Variants in PRKAG2 observed in about 807,000 individuals in gnomAD.
The protein encoded by PRKAG2 is 5'-AMP-activated protein kinase subunit gamma-2.
PRKAG2 carries 26 observed loss-of-function variants against 69.6 expected under a neutral mutation model. That is an observed-to-expected ratio of 0.37 (90% confidence interval 0.27 to 0.52). PRKAG2 has a LOEUF of 0.52. Ranked by LOEUF, PRKAG2 falls within the 20% of genes least tolerant of loss-of-function variation. The probability of loss-of-function intolerance (pLI) is 0.90; values close to 1 mark genes in which losing one functional copy is unlikely to be tolerated. For synonymous variants in PRKAG2, 293 were observed against 285.0 expected, an observed-to-expected ratio of 1.03 and a Z score of -0.28; for missense variants, 557 against 740.0, an observed-to-expected ratio of 0.75 and a Z score of 2.87.
At chr7:151,764,817 G>A (rs2075644005) in intron 3 of PRKAG2, among the ~76,000 whole-genome samples, 1 of 152,242 alleles carries the variant, frequency 6.6e-6, no homozygotes, top group Admixed American at 6.5e-5. Flanking sequence ...CCTCAAGGTT[G>A]TAGAGAGACA....
At position 151,614,983 on chromosome 7, in the gene PRKAG2, C is replaced by T. The variant is rs149007984; in HGVS notation, c.754+17086G>A. ...AGCCGTATGGATCCAGAGGGAACCT[C>T]GAGAGAGGAGCCGTGTGGATCCAGA... On this transcript the variant is annotated intron_variant, in intron 5 of 15. Coordinates refer to ENST00000287878, the MANE Select transcript of PRKAG2 (RefSeq NM_016203.4). This position sits in a 1 kb window ranked among gnomAD's most constrained non-coding sequence, Gnocchi z 4.4. Among the ~76,000 whole-genome samples, 4,317 of 152,170 alleles carry T rather than the reference C, an allele frequency of 0.028. 180 individuals are homozygous for T. Among genetic ancestry groups the T allele is most frequent in the African/African-American group, 0.093 (3,875 of 41,500 alleles).
At chr7:151,641,161 T>C (rs1420513662) in intron 4 of PRKAG2, among the ~76,000 whole-genome samples, 1 of 152,060 alleles carries the variant, frequency 6.6e-6, no homozygotes, top group Non-Finnish European at 1.5e-5. Flanking sequence ...CAGTATGAGA[T>C]CCTGGCATGG....
chr7:151,637,723 T>TTTTA (rs759572303), intron 4 of PRKAG2, among the ~76,000 whole-genome samples: 2 of 151,304 alleles, frequency 1.3e-5, no homozygotes, highest in African/African-American at 4.9e-5. Context: ...TTTTTTTTTT[T>TTTTA]ATAACACACT....
chr7:151,734,849 T>C (rs1187294406), intron 3 of PRKAG2, among the ~76,000 whole-genome samples: 1 of 67,528 alleles, frequency 1.5e-5, no homozygotes, highest in African/African-American at 9.1e-5. Flanking sequence ...AATCTGATTC[T>C]TTTTTTTTTT....
At chr7:151,708,763 T>C (rs2151595775) in intron 3 of PRKAG2, among the ~76,000 whole-genome samples, 1 of 152,344 alleles carries the variant, frequency 6.6e-6, no homozygotes, top group South Asian at 2.1e-4. Context: ...GTAAGTGCAG[T>C]GGCCGGCAGC....
At chr7:151,684,647 G>A (rs1445358853) in intron 3 of PRKAG2, among the ~76,000 whole-genome samples, 2 of 152,182 alleles carry the variant, frequency 1.3e-5, no homozygotes, top group African/African-American at 4.8e-5. Context: ...CTTCTGCCTT[G>A]CCTGGGGGAC....
At chr7:151,578,467 C>T (rs1385361897) in intron 6 of PRKAG2, among the ~76,000 whole-genome samples, 1 of 152,168 alleles carries the variant, frequency 6.6e-6, no homozygotes, top group African/African-American at 2.4e-5. Flanking sequence ...CCTATTTCTT[C>T]CTTTATTGTG....
intron 4 of PRKAG2, among the ~76,000 whole-genome samples, chr7:151,652,077 C>A (rs571240840): frequency 6.6e-6 from 1 of 152,154 alleles, no homozygotes; most frequent in Non-Finnish European, 1.5e-5. Flanking sequence ...GTGACAGATA[C>A]GTTAATTAGC....
chr7:151,738,829 T>C (rs915416797), intron 3 of PRKAG2, among the ~76,000 whole-genome samples: 5 of 152,212 alleles, frequency 3.3e-5, no homozygotes, highest in African/African-American at 1.2e-4. Flanking sequence ...CACACCTCTA[T>C]ATTTCTGTGT....
At chr7:151,769,735 G>A (rs912298460) in intron 3 of PRKAG2, among the ~76,000 whole-genome samples, 4 of 152,180 alleles carry the variant, frequency 2.6e-5, no homozygotes, top group South Asian at 2.1e-4. Context: ...TGCTGCAGCC[G>A]CATCTGGGGA....
chr7:151,813,521 C>CAAAG (rs1454927864), intron 1 of PRKAG2, among the ~76,000 whole-genome samples: 1 of 151,090 alleles, frequency 6.6e-6, no homozygotes, highest in African/African-American at 2.4e-5. Flanking sequence ...ATGGCTTACT[C>CAAAG]AAAGTGCCAT....
At chr7:151,591,570 A>G (rs995910492) in intron 6 of PRKAG2, among the ~76,000 whole-genome samples, 1 of 151,640 alleles carries the variant, frequency 6.6e-6, no homozygotes, top group Non-Finnish European at 1.5e-5. Flanking sequence ...GTCACTCCAC[A>G]CTCCACCTGC....
chr7:151,834,780 C>T lies in PRKAG2; in HGVS notation c.114+41727G>A, dbSNP rs75491511. ...CCTCCCCATCGCTGTGGGTGAGTCT[C>T]CTGGGGGGCTTTGAACAACAGAAAC... On this transcript the variant is annotated intron_variant, in intron 1 of 15. Coordinates refer to ENST00000287878, the MANE Select transcript of PRKAG2 (RefSeq NM_016203.4). Among the ~76,000 whole-genome samples, 293 of 152,368 alleles carry T rather than the reference C, an allele frequency of 1.9e-3. 3 individuals are homozygous for T. In the East Asian group the frequency reaches 0.027, roughly 14 times the overall value.
In PRKAG2 at chr7:151,632,062, C is replaced by A; in HGVS notation, c.754+7G>T. 1 of 1,389,024 alleles carries A rather than the reference C, an allele frequency of 7.2e-7. No homozygotes were observed. The highest frequency in any genetic ancestry group is 9.5e-7 in the Non-Finnish European group (1 of 1,057,366). 86.0% of individuals were successfully genotyped at this position (1,389,024 alleles called of 1,614,324 possible). A position where few individuals can be genotyped will look rare whatever the true frequency, so the allele number is the denominator to read the frequency against. ...CGCCGGGCCGGCAGCGGGCGGGGCG[C>A]ACTCACCTTCGTCCTCGAACTCCAG... On this transcript the variant is annotated splice_region_variant and intron_variant, in intron 5 of 15. Transcript: ENST00000287878. The surrounding 1 kb of genome is among the most constrained non-coding windows in gnomAD (Gnocchi z 4.2).
chr7:151,715,442 T>C (rs941251192), intron 3 of PRKAG2, among the ~76,000 whole-genome samples: 3 of 151,304 alleles, frequency 2.0e-5, no homozygotes, highest in Non-Finnish European at 4.4e-5. Flanking sequence ...CCACTTCCAA[T>C]TCTCCTGTCT....
Position 151,796,190 on chromosome 7 carries a change from G to A in PRKAG2, c.115-9649C>T, listed in dbSNP as rs368583098. On this transcript the variant is annotated intron_variant, in intron 1 of 15. Transcript: ENST00000287878. ...GGAGAGTCCAGGGTAAAAGCAGGCC[G>A]CTGTTTGGAAGCTCTCAGCCTTCGC... Among the ~76,000 whole-genome samples the A allele has an allele frequency of 6.6e-5, 10 of 151,944 alleles. No homozygotes were observed. In the East Asian group the frequency reaches 1.2e-3, roughly 18 times the overall value.
intron 4 of PRKAG2, among the ~76,000 whole-genome samples, chr7:151,637,725 T>A (rs1310276411): frequency 6.6e-6 from 1 of 150,768 alleles, no homozygotes; most frequent in Non-Finnish European, 1.5e-5. Context: ...TTTTTTTTTA[T>A]AACACACTAA....
intron 4 of PRKAG2, among the ~76,000 whole-genome samples, chr7:151,653,889 A>G (rs763915125): frequency 1.2e-4 from 18 of 152,188 alleles, no homozygotes; most frequent in Non-Finnish European, 2.2e-4. Flanking sequence ...CGCTGCAGAT[A>G]AGCCCAATCC....
chr7:151,679,490 C>G (rs1263989614), intron 3 of PRKAG2, among the ~76,000 whole-genome samples: 1 of 152,136 alleles, frequency 6.6e-6, no homozygotes, highest in African/African-American at 2.4e-5. Flanking sequence ...CACAGGGCCC[C>G]TTCAGTGGCA....
Sources: allele counts gnomAD v4.1 joint callset (sites outside exome capture counted in the v4.1 genomes callset), GRCh38; gene constraint gnomAD v4.1.1; non-coding constraint Gnocchi (gnomAD v3.1); transcripts MANE v1.5; gene names NCBI Gene and HGNC (gene_info 2026-07-23, HGNC 2026-07-21).